The following COMP variants were observed in gnomAD, a reference collection of about 807,000 sequenced individuals.
COMP encodes cartilage oligomeric matrix protein, also known as cartilage oligomeric matrix protein (pseudoachondroplasia, epiphyseal dysplasia 1, multiple).
COMP carries 79 observed loss-of-function variants against 95.8 expected under a neutral mutation model. That is an observed-to-expected ratio of 0.82 (90% confidence interval 0.69 to 0.99). The LOEUF (loss-of-function observed/expected upper bound fraction) is 0.99. Among genes scored for constraint, COMP ranks in the 50% least tolerant of loss-of-function variants. The pLI, the probability that COMP is intolerant of heterozygous loss-of-function variation, is 0.00. For missense variants in COMP, 906 were observed against 1,076.1 expected, an observed-to-expected ratio of 0.84 and a Z score of 2.21; for synonymous variants, 438 against 433.9, an observed-to-expected ratio of 1.01 and a Z score of -0.12.
intron 9 of COMP, among the ~76,000 whole-genome samples, chr19:18,787,864 C>CTTTTTCTTTCTTTCTTTCTTTCTT (rs56093208): frequency 9.2e-5 from 10 of 108,894 alleles, no homozygotes; most frequent in South Asian, 3.3e-4. Context: ...TTTTCTTTTT[C>CTTTTTCTTTCTTTCTTTCTTTCTT]TCTTTCTTTC....
chr19:18,788,833 C>G lies in COMP; in HGVS notation c.603+6G>C. 3 of 1,613,772 alleles carry G rather than the reference C, an allele frequency of 1.9e-6. No individual in the cohort carries two copies. In the South Asian group the frequency reaches 3.3e-5, roughly 18 times the overall value. ...CGATCCTTTCTTCCTCCCCAGCGGG[C>G]CTTACCCGGGTGTTGATGCACACGG... On this transcript the variant is annotated splice_donor_region_variant and intron_variant, in intron 6 of 18. Coordinates refer to ENST00000222271, the MANE Select transcript of COMP (RefSeq NM_000095.3). The surrounding 1 kb of genome is among the most constrained non-coding windows in gnomAD (Gnocchi z 4.7).
In COMP at chr19:18,785,022, A is replaced by G. The variant is rs778275855; in HGVS notation, c.1788T>C (p.Tyr596=). The change falls in exon 16 of 19, where the codon TAT becomes TAC. Residue 596 remains tyrosine (Y), a synonymous_variant. Transcript: ENST00000222271. ...FHVNTVTDDD[Y]AGFIFGYQDS... is the part of the protein sequence containing the mutation. ...CCTGGTAGCCAAAGATGAAGCCCGC[A>G]TAGTCGTCATCCGTGACCGTGTTCA... 1 of 1,614,092 alleles carries G rather than the reference A, an allele frequency of 6.2e-7. No individual in the cohort carries two copies. The highest frequency in any genetic ancestry group is 8.5e-7 in the Non-Finnish European group (1 of 1,180,004).
In COMP at chr19:18,790,584, C is replaced by T. The variant is rs529891904; in HGVS notation, c.195G>A (p.Thr65=). The T allele has an allele frequency of 3.5e-4, 560 of 1,613,942 alleles. 8 individuals carry two copies. The South Asian group carries it at 5.7e-3, about 16-fold the overall frequency. ...CACCGCACGCGTCACACTCCATCAC[C>T]GTGTTTTTCAGGAACGTGATCTCCC... ...QVREITFLKN[T]VMECDACGMQ... The change falls in exon 3 of 19, where the codon ACG becomes ACA. Residue 65 remains threonine (T), a synonymous_variant. Transcript: ENST00000222271.
chr19:18,790,963 G>A (rs750305916), intron 1 of COMP, 28 bp from the exon 2 acceptor site: 2 of 1,548,638 alleles, frequency 1.3e-6, no homozygotes, highest in African/African-American at 1.4e-5. Context: ...CTGGTGAGGC[G>A]TCATGGGGCC....
intron 11 of COMP, 70 bp from the exon 12 acceptor site, chr19:18,786,361 C>A: frequency 6.2e-7 from 1 of 1,608,172 alleles, no homozygotes; most frequent in African/African-American, 1.3e-5. Flanking sequence ...CCCAACCCAG[C>A]CGCACAGCCA....
chr19:18,783,063 G>T lies in COMP; in HGVS notation c.2218C>A (p.Arg740Ser). 1 of 1,612,240 alleles carries T rather than the reference G, an allele frequency of 6.2e-7. No individual in the cohort carries two copies. Reference protein sequence around the residue: ...ENIIWANLRYRCNDTIPEDYE... With the variant: ...ENIIWANLRYSCNDTIPEDYE... ...CTGGCCCTCGGCTCACCATTGCAGC[G>T]GTAACGCAGGTTGGCCCAGATGATG... Residue 740 changes from arginine (R) to serine (S), a missense_variant, in exon 18 of 19, where the codon CGC becomes AGC. Coordinates refer to ENST00000222271, the MANE Select transcript of COMP (RefSeq NM_000095.3).
At chr19:18,787,454 C>G (rs1339545519) in intron 10 of COMP, 37 bp downstream of exon 10, 1 of 1,605,594 alleles carries the variant, frequency 6.2e-7, no homozygotes, top group African/African-American at 1.3e-5. Flanking sequence ...TCGGTGCCCG[C>G]CGCCTCTCCT....
At chr19:18,787,465 C>A (rs1285003268) in intron 10 of COMP, 26 bp downstream of exon 10, 2 of 1,608,314 alleles carry the variant, frequency 1.2e-6, no homozygotes, top group African/African-American at 2.7e-5. Flanking sequence ...CGCCTCTCCT[C>A]GCCCCCCAAC....
At chr19:18,786,961 C>T (rs1041505710) in intron 10 of COMP, 4 of 353,336 alleles carry the variant, frequency 1.1e-5, no homozygotes, top group East Asian at 7.5e-5. Flanking sequence ...TTAGTACAGA[C>T]GGAGTTTCAC....
Position 18,786,090 on chromosome 19 carries a change from G to A in COMP, c.1364C>T (p.Ala455Val), listed in dbSNP as rs1346474529. 6.2e-7 allele frequency: 1 copy of A among 1,613,988 alleles called. No homozygotes were observed. The highest frequency in any genetic ancestry group is 8.5e-7 in the Non-Finnish European group (1 of 1,180,058). Residue 455 changes from alanine (A) to valine (V), a missense_variant, in exon 13 of 19, where the codon GCC becomes GTC. Ala to Val is a moderately conservative substitution (Grantham distance 64). Coordinates refer to ENST00000222271, the MANE Select transcript of COMP (RefSeq NM_000095.3). ...RDNCPTVPNS[A>V]QEDSDHDGQG... ...GCCATCGTGGTCTGAGTCCTCCTGG[G>A]CACTGTTAGGCACCGTGGGACAGTT...
chr19:18,790,124 G>C lies in COMP; in HGVS notation c.218-10C>G. 1 of 1,522,980 alleles carries C rather than the reference G, an allele frequency of 6.6e-7. No homozygotes were observed. The allele number at this position is 1,522,980 out of a possible 1,614,324, so 94.3% of individuals were successfully genotyped here. A position where few individuals can be genotyped will look rare whatever the true frequency, so the allele number is the denominator to read the frequency against. ...ACTGACTGCTGCATCCCTGCGGGGG[G>C]GAGGGGGGAGAAGCGGCGGGGCTGA... is the stretch of plus-strand genomic sequence containing the variant. On this transcript the variant is annotated splice_polypyrimidine_tract_variant and intron_variant, in intron 3 of 18. Coordinates refer to ENST00000222271, the MANE Select transcript of COMP (RefSeq NM_000095.3).
chr19:18,789,673 G>T lies in COMP; in HGVS notation c.390+269C>A, dbSNP rs58794893. 0.019 allele frequency among the ~76,000 whole-genome samples: 2,885 copies of T among 151,518 alleles called. 45 individuals are homozygous for T. The highest frequency in any genetic ancestry group is 0.027 in the African/African-American group (1,106 of 41,296). On this transcript the variant is annotated intron_variant, in intron 4 of 18. Coordinates refer to ENST00000222271, the MANE Select transcript of COMP (RefSeq NM_000095.3). The surrounding 1 kb of genome is among the most constrained non-coding windows in gnomAD (Gnocchi z 6.1). ...CTGCGGCGAGGAGGGTAGCTGGGGCGGACCACCCCTGGCGGTGAGGGAGTC... is the reference window on the plus strand; with the variant it reads ...CTGCGGCGAGGAGGGTAGCTGGGGCTGACCACCCCTGGCGGTGAGGGAGTC...
intron 11 of COMP, 68 bp downstream of exon 11, chr19:18,786,458 GGGCTGT>G (rs1228947754): frequency 5.2e-6 from 8 of 1,528,228 alleles, no homozygotes. Context: ...GCTCTAAGCT[GGGCTGT>G]GGGCTGGGTA....
chr19:18,785,937 C>A, intron 13 of COMP, 28 bp downstream of exon 13: 1 of 1,578,952 alleles, frequency 6.3e-7, no homozygotes, highest in Non-Finnish European at 8.6e-7. Context: ...TGGCCCCGCC[C>A]CCACCGCAGG....
At chr19:18,783,465 A>T (rs564501649) in intron 17 of COMP, among the ~76,000 whole-genome samples, 1 of 152,130 alleles carries the variant, frequency 6.6e-6, no homozygotes, top group Non-Finnish European at 1.5e-5. Flanking sequence ...CTGGATACAC[A>T]CTGTGTGCTG....
rs1304107405 is a variant in COMP, at chr19:18,784,813, G to A, written c.1914+83C>T. ...TAGTATGAGGCTAGGGGGCTGGGGG[G>A]CTCTAAGGGCTGTAAAGGGTTTTAC... On this transcript the variant is annotated intron_variant, in intron 16 of 18. Transcript: ENST00000222271. The surrounding 1 kb of genome is among the most constrained non-coding windows in gnomAD (Gnocchi z 4.9). The A allele has an allele frequency of 9.5e-6, 14 of 1,477,222 alleles. No homozygotes were observed. Among genetic ancestry groups the A allele is most frequent in the African/African-American group, 4.2e-5 (3 of 72,216 alleles). 91.5% of individuals were successfully genotyped at this position (1,477,222 alleles called of 1,614,324 possible). A position where few individuals can be genotyped will look rare whatever the true frequency, so the allele number is the denominator to read the frequency against.
chr19:18,787,134 A>G (rs1380884431), intron 10 of COMP: 1 of 420,680 alleles, frequency 2.4e-6, no homozygotes, highest in African/African-American at 2.0e-5. Flanking sequence ...ACGGGCTCTC[A>G]CTCCCAGGGT....
chr19:18,790,485 T>G, intron 3 of COMP, 77 bp downstream of exon 3: 1 of 1,583,566 alleles, frequency 6.3e-7, no homozygotes, highest in Non-Finnish European at 8.7e-7. Context: ...CTCCCCAGCT[T>G]TCCCTGGCTC....
Position 18,784,584 on chromosome 19 carries a change from C to T in COMP, c.1915-221G>A, listed in dbSNP as rs2055151761. ...AGGTTCATGAGAGGATTTGGGAGTC[C>T]GTGGACAGATTCAGGGTCTGGGAGG... On this transcript the variant is annotated intron_variant, in intron 16 of 18. Transcript: ENST00000222271. The surrounding 1 kb of genome is among the most constrained non-coding windows in gnomAD (Gnocchi z 4.9). 6.6e-6 allele frequency among the ~76,000 whole-genome samples: 1 copy of T among 151,996 alleles called. No homozygotes were observed. The highest frequency in any genetic ancestry group is 3.2e-3 in the Middle Eastern group (1 of 316).
Sources: gnomAD v4.1 joint callset for allele counts (sites outside exome capture counted in the v4.1 genomes callset) on GRCh38, gnomAD v4.1.1 for gene constraint, Gnocchi (gnomAD v3.1) non-coding constraint, MANE v1.5 for transcripts, NCBI Gene and HGNC (gene_info 2026-07-23, HGNC 2026-07-21) for gene names.